The following RPS6KC1 variants were observed in gnomAD, a reference collection of about 807,000 sequenced individuals.
RPS6KC1 encodes the protein ribosomal protein S6 kinase C1.
In RPS6KC1, 54 loss-of-function variants were observed where a neutral mutation model predicts 103.8. The ratio of observed to expected loss-of-function variants is 0.52; its 90% confidence interval spans 0.42 to 0.65. The LOEUF is 0.65. Ranked by LOEUF, RPS6KC1 falls within the 30% of genes least tolerant of loss-of-function variation. RPS6KC1 has a pLI of 0.00. For missense variants in RPS6KC1, 1,151 were observed against 1,253.8 expected (o/e 0.92, Z 1.24); for synonymous variants, 439 against 438.7 (o/e 1.00, Z -0.01).
the RPS6KC1 span, among the ~76,000 whole-genome samples, chr1:213,501,412 A>G: frequency 2.0e-5 from 3 of 152,228 alleles, no homozygotes; most frequent in Admixed American, 6.5e-5. Flanking sequence ...ACATGCAAGT[A>G]TTAGAAGCAA....
the RPS6KC1 span, among the ~76,000 whole-genome samples, chr1:213,505,818 C>T: frequency 3.3e-5 from 5 of 152,292 alleles, no homozygotes; most frequent in Admixed American, 1.3e-4. Flanking sequence ...CTAACTGTGA[C>T]TTGTTTTGAT....
At chr1:213,744,323 CTCTA>C in the RPS6KC1 span, among the ~76,000 whole-genome samples, 1 of 152,096 alleles carries the variant, frequency 6.6e-6, no homozygotes, top group African/African-American at 2.4e-5. Context: ...TAAAAAAAAC[CTCTA>C]TCAGCCTCTA....
the RPS6KC1 span, among the ~76,000 whole-genome samples, chr1:213,815,997 C>T: frequency 1.3e-5 from 2 of 152,134 alleles, no homozygotes; most frequent in African/African-American, 4.8e-5. Context: ...GATTGTGCCT[C>T]AGGGAATAGG....
the RPS6KC1 span, among the ~76,000 whole-genome samples, chr1:213,355,371 G>A: frequency 4.6e-5 from 7 of 152,136 alleles, no homozygotes; most frequent in African/African-American, 1.7e-4. Flanking sequence ...CTACCCCCGT[G>A]CCCCCTTGCA....
At position 213,129,776 on chromosome 1, in the gene RPS6KC1, A is replaced by C. The variant is rs747874894; in HGVS notation, c.722A>C (p.Glu241Ala). Residue 241 changes from glutamate to alanine, a missense_variant, in exon 6 of 15, where the codon GAG becomes GCG. Around this residue, in one of 3 missense-constraint regions of RPS6KC1, gnomAD observed 959 missense variants for 1,006.3 expected, o/e 0.95. Coordinates refer to ENST00000366960, the MANE Select transcript of RPS6KC1 (RefSeq NM_012424.6). ...KPKLGKRDYLEKAGELIKLAL... is the reference protein window; with the variant it reads ...KPKLGKRDYLAKAGELIKLAL... ...AAGCTTGGCAAGAGAGATTATTTGG[A>C]GAAAGCAGGAGAATTAATAAAGCTG... The C allele has an allele frequency of 3.1e-6, 5 of 1,613,980 alleles. No homozygotes were observed. Among genetic ancestry groups the C allele is most frequent in the Non-Finnish European group, 4.2e-6 (5 of 1,179,998 alleles).
chr1:213,634,329 G>A, the RPS6KC1 span, among the ~76,000 whole-genome samples: 1 of 152,194 alleles, frequency 6.6e-6, no homozygotes, highest in African/African-American at 2.4e-5. Flanking sequence ...ATAGTTGGAA[G>A]TAAAGCACTC....
the RPS6KC1 span, among the ~76,000 whole-genome samples, chr1:213,366,902 A>C: frequency 6.6e-6 from 1 of 152,190 alleles, no homozygotes; most frequent in African/African-American, 2.4e-5. Flanking sequence ...TCCTAGTTCT[A>C]TGCCTCAGCA....
the RPS6KC1 span, among the ~76,000 whole-genome samples, chr1:213,771,315 AG>A: frequency 2.7e-5 from 4 of 150,092 alleles, no homozygotes; most frequent in African/African-American, 9.8e-5. Flanking sequence ...CAGTGGAAAG[AG>A]GGGAGGGGGT....
At chr1:213,285,136 G>C in the RPS6KC1 span, among the ~76,000 whole-genome samples, 2 of 152,134 alleles carry the variant, frequency 1.3e-5, no homozygotes, top group African/African-American at 4.8e-5. Flanking sequence ...GTCAGATAAG[G>C]GTACCAACAT....
In RPS6KC1 at chr1:213,051,435, CT is replaced by C; in HGVS notation, c.32del (p.Leu11ArgfsTer38). 6.2e-7 allele frequency: 1 copy of C among 1,613,618 alleles called. No homozygotes were observed. MTSYRERSAD[L>X]ARFYTVTEPQ... ...CTCTTACCGGGAGCGGAGTGCCGAC[CT>C]GGCCCGTTTCTACACTGTCACCGAG... is the stretch of plus-strand genomic sequence containing the variant. On this transcript the variant is annotated frameshift_variant, in exon 1 of 15. Transcript: ENST00000366960. LOFTEE classifies it high-confidence loss of function.
At chr1:213,189,041 T>G (rs2092649963) in intron 8 of RPS6KC1, among the ~76,000 whole-genome samples, 1 of 152,156 alleles carries the variant, frequency 6.6e-6, no homozygotes, top group African/African-American at 2.4e-5. Flanking sequence ...AATGTAGACA[T>G]AGTCCCACAA....
the RPS6KC1 span, among the ~76,000 whole-genome samples, chr1:213,425,076 C>A: frequency 2.6e-5 from 4 of 152,260 alleles, no homozygotes; most frequent in African/African-American, 9.6e-5. Flanking sequence ...AAGCAAGACC[C>A]CTCATCCACA....
chr1:213,418,039 C>G, the RPS6KC1 span, among the ~76,000 whole-genome samples: 1 of 152,170 alleles, frequency 6.6e-6, no homozygotes, highest in African/African-American at 2.4e-5. Context: ...CCATTCCCCC[C>G]AGCTTCCATG....
intron 6 of RPS6KC1, among the ~76,000 whole-genome samples, chr1:213,141,087 G>C (rs2086976916): frequency 6.6e-6 from 1 of 151,950 alleles, no homozygotes; most frequent in Admixed American, 6.6e-5. Flanking sequence ...AGTAGAGACG[G>C]GGTTTCATCA....
At chr1:213,085,441 G>T (rs2080298480) in intron 3 of RPS6KC1, among the ~76,000 whole-genome samples, 1 of 152,104 alleles carries the variant, frequency 6.6e-6, no homozygotes, top group Admixed American at 6.5e-5. Context: ...CCAGTTTTCA[G>T]ACTACTACAC....
the RPS6KC1 span, among the ~76,000 whole-genome samples, chr1:213,674,897 G>A: frequency 2.0e-5 from 3 of 152,006 alleles, no homozygotes; most frequent in African/African-American, 7.2e-5. Flanking sequence ...TTTGTGATGT[G>A]AGGCATCTTT....
the RPS6KC1 span, among the ~76,000 whole-genome samples, chr1:213,745,223 T>C: frequency 7.1e-6 from 1 of 141,198 alleles, no homozygotes; most frequent in Admixed American, 7.4e-5. Context: ...CAATGGAAGC[T>C]AGGGTTTTTT....
At chr1:213,076,352 A>G (rs1179633526) in intron 2 of RPS6KC1, among the ~76,000 whole-genome samples, 1 of 152,226 alleles carries the variant, frequency 6.6e-6, no homozygotes, top group South Asian at 2.1e-4. Context: ...TTATACATAC[A>G]GAGGGTAGGT....
chr1:213,308,849 A>G, the RPS6KC1 span, among the ~76,000 whole-genome samples: 10 of 152,218 alleles, frequency 6.6e-5, no homozygotes, highest in Admixed American at 2.0e-4. Context: ...CACTAAGACA[A>G]ATAAAATGTA....
Sources: gnomAD v4.1 joint callset for allele counts (sites outside exome capture counted in the v4.1 genomes callset) on GRCh38, gnomAD v4.1.1 for gene constraint, gnomAD v4.1.1 regional missense constraint, MANE v1.5 for transcripts, NCBI Gene and HGNC (gene_info 2026-07-23, HGNC 2026-07-21) for gene names.